CCDC40: variants seen among roughly 807,000 people sequenced by gnomAD.
The protein encoded by CCDC40 is coiled-coil domain-containing protein 40.
A neutral mutation model predicts 124.5 loss-of-function variants in CCDC40; 104 were observed. The ratio of observed to expected loss-of-function variants is 0.84; its 90% CI spans 0.71 to 0.98. CCDC40 has a LOEUF of 0.98. Ranked by LOEUF, CCDC40 falls within the 50% of genes least tolerant of loss-of-function variation. The pLI, the probability that CCDC40 is intolerant of heterozygous loss-of-function variation, is 0.00. For missense variants in CCDC40, 1,463 were observed against 1,503.9 expected (o/e 0.97, Z 0.45); for synonymous variants, 580 against 602.9 (o/e 0.96, Z 0.56).
chr17:80,043,212 G>A (rs1169290795), intron 3 of CCDC40, among the ~76,000 whole-genome samples: 2 of 152,138 alleles, frequency 1.3e-5, no homozygotes, highest in African/African-American at 4.8e-5. Flanking sequence ...GTGATCGGAC[G>A]CACCTCCATC....
chr17:80,050,863 TG>T (rs2037567411), intron 7 of CCDC40, among the ~76,000 whole-genome samples: 1 of 152,154 alleles, frequency 6.6e-6, no homozygotes, highest in South Asian at 2.1e-4. Context: ...CCAGGATAGA[TG>T]AGACCAGGAG....
At chr17:80,078,405 A>G (rs947511351) in intron 10 of CCDC40, among the ~76,000 whole-genome samples, 4 of 151,874 alleles carry the variant, frequency 2.6e-5, no homozygotes, top group African/African-American at 7.3e-5. Flanking sequence ...GTTTTCCACT[A>G]AAGTTTTCCA....
chr17:80,081,790 G>A lies in CCDC40; in HGVS notation c.1806+1G>A, dbSNP rs1014600453. On this transcript the variant is annotated splice_donor_variant, in intron 11 of 19. Transcript: ENST00000397545. LOFTEE classifies it high-confidence loss of function. ...GGATGCCCTCAGCCAGGACCAGCTG[G>A]TGAGGCCGGGCCCGCCCCACAGGTC... 5 of 1,613,836 alleles carry A rather than the reference G, an allele frequency of 3.1e-6. No homozygotes were observed. The African/African-American group carries it at 6.7e-5, about 22-fold the overall frequency.
chr17:80,036,692 G>A lies in CCDC40; in HGVS notation c.29+1G>A. 6.8e-7 allele frequency: 1 copy of A among 1,464,042 alleles called. No homozygotes were observed. Among genetic ancestry groups the A allele is most frequent in the Non-Finnish European group, 9.0e-7 (1 of 1,109,590 alleles). The allele number at this position is 1,464,042 out of a possible 1,614,324, so 90.7% of individuals were successfully genotyped here. A position where few individuals can be genotyped will look rare whatever the true frequency, so the allele number is the denominator to read the frequency against. ...CGGAACCGGGCGGCGCGGCGGGCCGGTAAGCCGGGCCGAGGGGCAGCGGGT... is the reference window on the plus strand; with the variant it reads ...CGGAACCGGGCGGCGCGGCGGGCCGATAAGCCGGGCCGAGGGGCAGCGGGT... On this transcript the variant is annotated splice_donor_variant, in intron 1 of 19. Transcript: ENST00000397545. LOFTEE classifies it high-confidence loss of function.
chr17:80,043,506 C>T (rs1304287685), intron 3 of CCDC40, among the ~76,000 whole-genome samples: 4 of 71,058 alleles, frequency 5.6e-5, no homozygotes, highest in Non-Finnish European at 1.0e-4. Context: ...CCCCTGCGGC[C>T]GGCCTTGGCT....
chr17:80,039,822 C>T lies in CCDC40; in HGVS notation c.104C>T (p.Pro35Leu). 1 of 1,613,514 alleles carries T rather than the reference C, an allele frequency of 6.2e-7. No homozygotes were observed. Among genetic ancestry groups the T allele is most frequent in the South Asian group, 1.1e-5 (1 of 91,048 alleles). The stretch of plus-strand genomic sequence containing the variant: ...GCCACACCTTTACAGGTGTCACCAC[C>T]AGAGAAGGATGATGGCCAGAAAGGT... ...GNNESHMVSP[P>L]EKDDGQKGEE... The change falls in exon 3 of 20, where the codon CCA becomes CTA. Residue 35 changes from proline (P) to leucine (L), a missense_variant. Pro to Leu is a moderately conservative substitution (Grantham distance 98). Coordinates refer to ENST00000397545, the MANE Select transcript of CCDC40 (RefSeq NM_017950.4).
At chr17:80,048,413 G>A (rs2037486044) in intron 4 of CCDC40, 170 bp from the exon 5 acceptor site, 1 of 676,146 alleles carries the variant, frequency 1.5e-6, no homozygotes, top group Non-Finnish European at 2.7e-6. Flanking sequence ...GGGAATAGAA[G>A]ATGGGGTGAA....
chr17:80,090,480 C>T, intron 17 of CCDC40: 2 of 1,459,710 alleles, frequency 1.4e-6, no homozygotes, highest in Non-Finnish European at 1.8e-6. Context: ...AGGACACACA[C>T]AAGCACGTGC....
chr17:80,037,779 C>T (rs552109544), intron 1 of CCDC40, among the ~76,000 whole-genome samples: 6 of 147,966 alleles, frequency 4.1e-5, no homozygotes, highest in South Asian at 2.1e-4. Flanking sequence ...ACTCTGATCG[C>T]GCTACTTTCT....
chr17:80,057,628 G>A (rs928250854), intron 7 of CCDC40, among the ~76,000 whole-genome samples: 1 of 151,936 alleles, frequency 6.6e-6, no homozygotes, highest in Non-Finnish European at 1.5e-5. Context: ...TGTAATCCCA[G>A]CACTTTGGGA....
chr17:80,089,507 G>GTT, intron 16 of CCDC40: 1 of 415,848 alleles, frequency 2.4e-6, no homozygotes, highest in Non-Finnish European at 4.5e-6. Context: ...ATATATCCCT[G>GTT]TTCTCTCTCT....
chr17:80,098,454 T>C (rs1381669146), intron 19 of CCDC40, among the ~76,000 whole-genome samples: 2 of 152,250 alleles, frequency 1.3e-5, no homozygotes, highest in Admixed American at 6.5e-5. Context: ...GGGCGGCCCC[T>C]GTGGGGCTGG....
rs577749300 is a variant in CCDC40, at chr17:80,063,866, CAAAG to C, written c.1441-1615_1441-1612del. Among the ~76,000 whole-genome samples the C allele has an allele frequency of 5.9e-5, 9 of 152,262 alleles. No individual in the cohort carries two copies. In the East Asian group the frequency reaches 1.5e-3, roughly 26 times the overall value. On this transcript the variant is annotated intron_variant, in intron 9 of 19. Coordinates refer to ENST00000397545, the MANE Select transcript of CCDC40 (RefSeq NM_017950.4). The stretch of plus-strand genomic sequence containing the variant: ...GAGAGGGTTTTGAATGTTCCCAACT[CAAAG>C]AAATAACAATTGCTGGAGGTGACTG...
intron 10 of CCDC40, among the ~76,000 whole-genome samples, chr17:80,079,968 G>A (rs1432932627): frequency 6.6e-6 from 1 of 151,578 alleles, no homozygotes; most frequent in African/African-American, 2.4e-5. Context: ...GCCCACACCT[G>A]TAATTCCAAC....
chr17:80,084,927 G>A lies in CCDC40; in HGVS notation c.2174G>A (p.Arg725Lys). ...EISRRTILIE[R>K]KQGLINFLNK... is the part of the protein sequence containing the mutation. ...TCCCGGCGCACGATCCTGATCGAGA[G>A]GAAGCAAGGGCTCATCAACTTCCTC... is the stretch of plus-strand genomic sequence containing the variant. The change falls in exon 13 of 20, where the codon AGG becomes AAG. Residue 725 changes from arginine (R) to lysine (K), a missense_variant. Transcript: ENST00000397545. The A allele has an allele frequency of 1.2e-6, 2 of 1,614,084 alleles. No individual in the cohort carries two copies. The highest frequency in any genetic ancestry group is 2.2e-5 in the South Asian group (2 of 91,080).
In CCDC40 at chr17:80,090,256, GAC is replaced by G. The variant is rs768810794; in HGVS notation, c.2832+373_2832+374del. On this transcript the variant is annotated intron_variant, in intron 17 of 19. Coordinates refer to ENST00000397545, the MANE Select transcript of CCDC40 (RefSeq NM_017950.4). ...GCAGGCACGTGCACGAACAACACGGGACGCGCGCGGGCACGTGCACGAACAAC... is the reference window on the plus strand; with the variant it reads ...GCAGGCACGTGCACGAACAACACGGGGCGCGCGGGCACGTGCACGAACAAC... The G allele has an allele frequency of 9.8e-6, 8 of 819,654 alleles. 2 individuals carry two copies. Among genetic ancestry groups the G allele is most frequent in the South Asian group, 2.3e-5 (1 of 42,738 alleles). The allele number at this position is 819,654 out of a possible 1,614,324, so 50.8% of individuals were successfully genotyped here. A position where few individuals can be genotyped will look rare whatever the true frequency, so the allele number is the denominator to read the frequency against.
At chr17:80,095,192 G>A (rs538261112) in intron 17 of CCDC40, 71 bp from the exon 18 acceptor site, 54 of 1,458,922 alleles carry the variant, frequency 3.7e-5, no homozygotes, top group Admixed American at 5.0e-5. Context: ...CGAGGCCAGC[G>A]CCCCGGCCAC....
At chr17:80,051,205 A>G in intron 7 of CCDC40, 2 of 320,814 alleles carry the variant, frequency 6.2e-6, no homozygotes, top group Non-Finnish European at 9.0e-6. Context: ...TGGGGAAATG[A>G]CCTACACAAA....
chr17:80,065,695 C>T (rs2038027730), intron 10 of CCDC40, 89 bp downstream of exon 10: 16 of 1,551,334 alleles, frequency 1.0e-5, no homozygotes, highest in South Asian at 2.3e-5. Flanking sequence ...CTGGGTCCAC[C>T]GGATCTCTGG....
Sources: gnomAD v4.1 joint callset for allele counts (sites outside exome capture counted in the v4.1 genomes callset) on GRCh38, gnomAD v4.1.1 for gene constraint, MANE v1.5 for transcripts, NCBI Gene and HGNC (gene_info 2026-07-23, HGNC 2026-07-21) for gene names.